The following SREK1IP1 variants were observed in gnomAD, a reference collection of about 807,000 sequenced individuals.
SREK1IP1 encodes SREK1 interacting protein 1, also known as protein SREK1IP1.
Under a neutral mutation model 22.8 loss-of-function variants are expected in SREK1IP1, and 12 were observed. That is an observed-to-expected ratio of 0.53 (90% confidence interval 0.34 to 0.85). The LOEUF (loss-of-function observed/expected upper bound fraction) is 0.85, where lower values mean the gene tolerates loss of function less well. Ranked by LOEUF, SREK1IP1 falls within the 40% of genes least tolerant of loss-of-function variation. SREK1IP1 has a pLI of 0.02. For synonymous variants in SREK1IP1, 53 were observed against 52.7 expected (o/e 1.01, Z -0.02); for missense variants, 147 against 171.8 (o/e 0.86, Z 0.81).
At chr5:64,730,013 T>C (rs1047902293) in intron 3 of SREK1IP1, among the ~76,000 whole-genome samples, 1 of 152,158 alleles carries the variant, frequency 6.6e-6, no homozygotes, top group African/African-American at 2.4e-5. Context: ...TAAAATCATT[T>C]AGTAAGAGAA....
At chr5:64,757,505 A>T (rs1742863490) in intron 1 of SREK1IP1, among the ~76,000 whole-genome samples, 1 of 152,182 alleles carries the variant, frequency 6.6e-6, no homozygotes, top group Non-Finnish European at 1.5e-5. Flanking sequence ...GCATAATGTG[A>T]TTTTCATCCA....
intron 2 of SREK1IP1, among the ~76,000 whole-genome samples, chr5:64,742,633 T>A (rs185255909): frequency 2.5e-3 from 375 of 152,242 alleles, no homozygotes; most frequent in Admixed American, 4.1e-3. Flanking sequence ...CTAAATAGAG[T>A]TCCAATTTGG....
chr5:64,755,450 C>T (rs551522376), intron 1 of SREK1IP1, among the ~76,000 whole-genome samples: 1 of 152,262 alleles, frequency 6.6e-6, no homozygotes, highest in South Asian at 2.1e-4. Context: ...AGTGAATTAA[C>T]ACAGGAACAG....
At chr5:64,767,839 TAG>T (rs1743074842) in intron 1 of SREK1IP1, among the ~76,000 whole-genome samples, 1 of 152,232 alleles carries the variant, frequency 6.6e-6, no homozygotes, top group Non-Finnish European at 1.5e-5. Flanking sequence ...TTTCCGCTAC[TAG>T]AACTTCCAAG....
intron 3 of SREK1IP1, among the ~76,000 whole-genome samples, chr5:64,732,322 C>G (rs1403567860): frequency 6.6e-6 from 1 of 152,006 alleles, no homozygotes; most frequent in Non-Finnish European, 1.5e-5. Flanking sequence ...TTCGTATTTG[C>G]AAATGACCTG....
At chr5:64,734,912 C>T (rs1018633888) in intron 3 of SREK1IP1, among the ~76,000 whole-genome samples, 6 of 151,946 alleles carry the variant, frequency 3.9e-5, no homozygotes, top group Non-Finnish European at 8.8e-5. Flanking sequence ...TTTTTCATAC[C>T]TTATTGCACT....
At chr5:64,762,377 C>T (rs1035492406) in intron 1 of SREK1IP1, among the ~76,000 whole-genome samples, 4 of 152,116 alleles carry the variant, frequency 2.6e-5, no homozygotes, top group Admixed American at 6.6e-5. Context: ...TATTTGGTTA[C>T]TCCATTATGG....
At chr5:64,762,549 C>T (rs1400549811) in intron 1 of SREK1IP1, among the ~76,000 whole-genome samples, 1 of 151,974 alleles carries the variant, frequency 6.6e-6, no homozygotes. Flanking sequence ...TATTTTTCTA[C>T]CATTTATATT....
chr5:64,759,460 A>C (rs563822417), intron 1 of SREK1IP1, among the ~76,000 whole-genome samples: 8 of 152,176 alleles, frequency 5.3e-5, no homozygotes, highest in African/African-American at 1.9e-4. Flanking sequence ...CCACCTCAAA[A>C]TTTTCCTTTC....
At position 64,759,456 on chromosome 5, in the gene SREK1IP1, CA is replaced by C. The variant is rs148432591; in HGVS notation, c.14-5095del. Among the ~76,000 whole-genome samples the C allele has an allele frequency of 1.9e-3, 284 of 152,250 alleles. 2 individuals carry two copies. Among genetic ancestry groups the C allele is most frequent in the African/African-American group, 6.5e-3 (269 of 41,532 alleles). ...TCAGAGTAATACAGTGTGCCCACCT[CA>C]AAATTTTCCTTTCTAATCATGACCT... On this transcript the variant is annotated intron_variant, in intron 1 of 4. Transcript: ENST00000513458.
At chr5:64,734,226 C>A (rs963028389) in intron 3 of SREK1IP1, among the ~76,000 whole-genome samples, 5 of 152,064 alleles carry the variant, frequency 3.3e-5, no homozygotes, top group Non-Finnish European at 5.9e-5. Flanking sequence ...ATGTATGGGT[C>A]TATTCTGTTC....
intron 1 of SREK1IP1, among the ~76,000 whole-genome samples, chr5:64,766,757 A>G (rs552445190): frequency 1.3e-4 from 20 of 152,240 alleles, no homozygotes; most frequent in African/African-American, 4.8e-4. Flanking sequence ...CAGCTGTCTC[A>G]TAATAGGCAA....
chr5:64,747,431 C>T (rs892856301), intron 2 of SREK1IP1, among the ~76,000 whole-genome samples: 1 of 152,132 alleles, frequency 6.6e-6, no homozygotes, highest in Non-Finnish European at 1.5e-5. Context: ...GCTCCTATCA[C>T]CCGTATCACT....
At chr5:64,754,263 C>T (rs1742798580) in intron 2 of SREK1IP1, 52 bp downstream of exon 2, 3 of 1,558,330 alleles carry the variant, frequency 1.9e-6, no homozygotes, top group Admixed American at 1.7e-5. Flanking sequence ...CCCAAAGAGG[C>T]CATGATTCCA....
chr5:64,752,144 G>GTATTTTTTTTTTTTTT (rs755420855), intron 2 of SREK1IP1, among the ~76,000 whole-genome samples: 1 of 85,476 alleles, frequency 1.2e-5, no homozygotes, highest in African/African-American at 5.3e-5. Context: ...TTTTTTTTGT[G>GTATTTTTTTTTTTTTT]TGTTTTTTTT....
intron 1 of SREK1IP1, among the ~76,000 whole-genome samples, chr5:64,762,143 T>C (rs1243600389): frequency 6.6e-6 from 1 of 152,254 alleles, no homozygotes; most frequent in Non-Finnish European, 1.5e-5. Context: ...GAACTTAATA[T>C]ATTTTTCCTA....
In SREK1IP1 at chr5:64,737,706, G is replaced by A. The variant is rs538671735; in HGVS notation, c.205+3351C>T. On this transcript the variant is annotated intron_variant, in intron 3 of 4. Coordinates refer to ENST00000513458, the MANE Select transcript of SREK1IP1 (RefSeq NM_173829.4). ...CTAGACTAACTCAGAAAAAAGACAG[G>A]GCCAAAATTAGAACTGAAAAAAGAG... Among the ~76,000 whole-genome samples the A allele has an allele frequency of 2.0e-5, 3 of 151,540 alleles. No homozygotes were observed. In the East Asian group the frequency reaches 5.8e-4, roughly 29 times the overall value.
intron 3 of SREK1IP1, among the ~76,000 whole-genome samples, chr5:64,730,578 A>C (rs549946017): frequency 6.6e-6 from 1 of 150,896 alleles, no homozygotes; most frequent in Non-Finnish European, 1.5e-5. Flanking sequence ...ACTGAAGGAA[A>C]GAAAAGAAAG....
intron 2 of SREK1IP1, among the ~76,000 whole-genome samples, chr5:64,744,206 AG>A (rs1373565926): frequency 6.6e-6 from 1 of 152,122 alleles, no homozygotes; most frequent in East Asian, 1.9e-4. Context: ...AAGCGCAGGT[AG>A]GGCACCATGC....
Sources: allele counts gnomAD v4.1 joint callset (sites outside exome capture counted in the v4.1 genomes callset), GRCh38; gene constraint gnomAD v4.1.1; transcripts MANE v1.5; gene names NCBI Gene and HGNC (gene_info 2026-07-23, HGNC 2026-07-21).